NCOR1: variants seen among roughly 807,000 people sequenced by gnomAD.
NCOR1 encodes the protein nuclear receptor corepressor 1.
Under a neutral mutation model 288.1 loss-of-function variants are expected in NCOR1, and 63 were observed. The observed-to-expected ratio is 0.22, with a 90% CI of 0.18 to 0.27. The LOEUF (loss-of-function observed/expected upper bound fraction) is 0.27. NCOR1 is among the 10% of genes least tolerant of loss of function. NCOR1 has a pLI of 1.00. For synonymous variants in NCOR1, 1,007 were observed against 1,065.9 expected, an observed-to-expected ratio of 0.94 and a Z score of 1.08; for missense variants, 2,397 against 3,019.2, an observed-to-expected ratio of 0.79 and a Z score of 4.83.
chr17:16,075,573 T>TA lies in NCOR1; in HGVS notation c.3630dup (p.Ile1211TyrfsTer3). The stretch of plus-strand genomic sequence containing the variant: ...ATATGTCCACTTTTGCCTTCATAAA[T>TA]AACATGGCCTTTGGATGCAGCTTCC... On this transcript the variant is annotated frameshift_variant, in exon 27 of 46. Transcript: ENST00000268712. LOFTEE classifies it high-confidence loss of function. 6.2e-7 allele frequency: 1 copy of TA among 1,614,268 alleles called. No individual in the cohort carries two copies. The highest frequency in any genetic ancestry group is 8.5e-7 in the Non-Finnish European group (1 of 1,180,038).
intron 42 of NCOR1, among the ~76,000 whole-genome samples, chr17:16,043,486 C>T (rs1301829561): frequency 6.6e-6 from 1 of 152,208 alleles, no homozygotes; most frequent in Non-Finnish European, 1.5e-5. Flanking sequence ...AAGTTAGGTA[C>T]TTGTTTCATC....
intron 1 of NCOR1, among the ~76,000 whole-genome samples, chr17:16,210,729 ATT>A (rs144734223): frequency 3.5e-5 from 5 of 143,406 alleles, no homozygotes; most frequent in African/African-American, 7.7e-5. Flanking sequence ...ATTCACTCCA[ATT>A]TTTTTTTTTT....
intron 14 of NCOR1, among the ~76,000 whole-genome samples, chr17:16,128,975 C>A (rs1036039986): frequency 6.6e-6 from 1 of 152,186 alleles, no homozygotes; most frequent in Non-Finnish European, 1.5e-5. Flanking sequence ...TAAAATCTCC[C>A]TAGATCAACA....
At chr17:16,183,866 T>C (rs1301309151) in intron 3 of NCOR1, among the ~76,000 whole-genome samples, 1 of 152,048 alleles carries the variant, frequency 6.6e-6, no homozygotes, top group Non-Finnish European at 1.5e-5. Context: ...CAAAACAATA[T>C]GGTATTGGCA....
chr17:16,142,314 G>A (rs1205483128), intron 11 of NCOR1, among the ~76,000 whole-genome samples: 2 of 152,238 alleles, frequency 1.3e-5, no homozygotes, highest in Non-Finnish European at 1.5e-5. Flanking sequence ...AGTATTAACT[G>A]TATATTTAAG....
chr17:16,065,373 T>C (rs2061003744), intron 33 of NCOR1, 112 bp downstream of exon 33: 1 of 1,207,880 alleles, frequency 8.3e-7, no homozygotes, highest in East Asian at 2.5e-5. Flanking sequence ...GGATATAGTA[T>C]TCTTTTCTTT....
At chr17:16,159,783 A>G (rs576577858) in intron 5 of NCOR1, among the ~76,000 whole-genome samples, 52 of 152,128 alleles carry the variant, frequency 3.4e-4, no homozygotes, top group Non-Finnish European at 6.8e-4. Context: ...TTTGAGCCTC[A>G]GGGTCACCCT....
chr17:16,189,465 TG>T (rs1423561576), intron 2 of NCOR1, among the ~76,000 whole-genome samples: 4 of 151,958 alleles, frequency 2.6e-5, no homozygotes, highest in Non-Finnish European at 5.9e-5. Flanking sequence ...AAACAATAGT[TG>T]AACACACAGA....
intron 29 of NCOR1, 70 bp from the exon 30 acceptor site, chr17:16,071,735 C>T: frequency 3.6e-6 from 5 of 1,400,108 alleles, no homozygotes; most frequent in African/African-American, 2.9e-5. Context: ...GAACTGTGCA[C>T]TTAAAAATGG....
In NCOR1 at chr17:16,056,842, C is replaced by T. The variant is rs189799425; in HGVS notation, c.6392+672G>A. The T allele has an allele frequency of 5.3e-5, 8 of 151,602 alleles. No homozygotes were observed. In the East Asian group the frequency reaches 1.5e-3, roughly 29 times the overall value. 9.4% of individuals were successfully genotyped at this position (151,602 alleles called of 1,614,324 possible). A position where few individuals can be genotyped will look rare whatever the true frequency, so the allele number is the denominator to read the frequency against. ...TTCCCTTTCCTTTATTTAAGGTCAC[C>T]TTAAAATATATATGTGTGTGTGTGC... On this transcript the variant is annotated intron_variant, in intron 40 of 45. Coordinates refer to ENST00000268712, the MANE Select transcript of NCOR1 (RefSeq NM_006311.4).
chr17:16,161,246 C>G (rs914779634), intron 5 of NCOR1, among the ~76,000 whole-genome samples: 1 of 149,170 alleles, frequency 6.7e-6, no homozygotes, highest in Non-Finnish European at 1.5e-5. Context: ...CACACACACA[C>G]ACACACACAC....
chr17:16,086,033 C>T (rs2064173524), intron 23 of NCOR1, among the ~76,000 whole-genome samples: 1 of 152,074 alleles, frequency 6.6e-6, no homozygotes, highest in African/African-American at 2.4e-5. Flanking sequence ...AGTGGTATGC[C>T]AAGTGCCAAG....
chr17:16,042,857 G>C (rs1036490121), intron 42 of NCOR1, among the ~76,000 whole-genome samples: 2 of 152,214 alleles, frequency 1.3e-5, no homozygotes, highest in African/African-American at 4.8e-5. Flanking sequence ...GGTCTGCAAA[G>C]ATATGTAAGT....
chr17:16,144,916 CTCTCCCTCTCTCCT>C (rs957934787), intron 10 of NCOR1, among the ~76,000 whole-genome samples: 2 of 151,948 alleles, frequency 1.3e-5, no homozygotes, highest in African/African-American at 4.8e-5. Flanking sequence ...TCCCCTCTCC[CTCTCCCTCTCTCCT>C]TCTCCCGCTT....
chr17:16,059,049 CAAAAA>C (rs57820388), intron 37 of NCOR1, among the ~76,000 whole-genome samples: 492 of 17,394 alleles, frequency 0.028, 2 homozygotes, highest in African/African-American at 0.067. Flanking sequence ...AACTCCGTCT[CAAAAA>C]AAAAAAAAAA....
intron 6 of NCOR1, among the ~76,000 whole-genome samples, chr17:16,155,940 G>A (rs907866984): frequency 3.9e-5 from 6 of 152,076 alleles, no homozygotes; most frequent in African/African-American, 1.4e-4. Context: ...CCTCCCCTCC[G>A]GGAGCTCCCT....
intron 42 of NCOR1, among the ~76,000 whole-genome samples, chr17:16,045,307 A>C (rs996309575): frequency 9.2e-5 from 14 of 152,156 alleles, no homozygotes; most frequent in African/African-American, 3.4e-4. Flanking sequence ...CTGCAGCCTC[A>C]TTACTTACTA....
At chr17:16,072,480 T>C (rs2061870904) in intron 28 of NCOR1, among the ~76,000 whole-genome samples, 1 of 152,192 alleles carries the variant, frequency 6.6e-6, no homozygotes, top group African/African-American at 2.4e-5. Flanking sequence ...CCTTCAAAGT[T>C]AAATCTAAAA....
chr17:16,094,702 T>C (rs897707352), intron 21 of NCOR1, among the ~76,000 whole-genome samples: 7 of 152,190 alleles, frequency 4.6e-5, no homozygotes, highest in Non-Finnish European at 8.8e-5. Context: ...GTGCCTGCGA[T>C]TGCAGGCGCG....
Sources: allele counts gnomAD v4.1 joint callset (sites outside exome capture counted in the v4.1 genomes callset), GRCh38; gene constraint gnomAD v4.1.1; transcripts MANE v1.5; gene names NCBI Gene and HGNC (gene_info 2026-07-23, HGNC 2026-07-21).